PTPRD: variants seen among roughly 807,000 people sequenced by gnomAD.
The protein encoded by PTPRD is receptor-type tyrosine-protein phosphatase delta.
A neutral mutation model predicts 214.5 loss-of-function variants in PTPRD; 34 were observed. That is an observed-to-expected ratio of 0.16 (90% CI 0.12 to 0.21). The LOEUF is 0.21. Among genes scored for constraint, PTPRD ranks in the 10% least tolerant of loss-of-function variants. The probability of loss-of-function intolerance (pLI) is 1.00; values close to 1 mark genes in which losing one functional copy is unlikely to be tolerated. For synonymous variants in PTPRD, 1,128 were observed against 845.7 expected, an observed-to-expected ratio of 1.33 and a Z score of -5.79; for missense variants, 2,545 against 2,398.7, an observed-to-expected ratio of 1.06 and a Z score of -1.27.
chr9:8,866,898 A>G (rs1297830519), intron 11 of PTPRD, among the ~76,000 whole-genome samples: 1 of 152,208 alleles, frequency 6.6e-6, no homozygotes, highest in African/African-American at 2.4e-5. Context: ...GATAATAGAA[A>G]GCACTAACCT....
chr9:9,486,172 A>AAAAAAAAC (rs2095625965), intron 8 of PTPRD, among the ~76,000 whole-genome samples: 1 of 146,338 alleles, frequency 6.8e-6, no homozygotes, highest in Non-Finnish European at 1.5e-5. Flanking sequence ...AAAAAAAAAA[A>AAAAAAAAC]AAAAAAAAAA....
At chr9:10,312,976 T>C (rs1288128497) in intron 3 of PTPRD, among the ~76,000 whole-genome samples, 1 of 151,924 alleles carries the variant, frequency 6.6e-6, no homozygotes, top group Non-Finnish European at 1.5e-5. Context: ...CTGTCAATGG[T>C]CCTGACACTA....
chr9:8,841,545 C>G (rs771451024), intron 11 of PTPRD, among the ~76,000 whole-genome samples: 1 of 151,858 alleles, frequency 6.6e-6, no homozygotes, highest in Non-Finnish European at 1.5e-5. Context: ...AAATACAATC[C>G]CCTACCCCAA....
chr9:9,454,278 A>ACTCCCGGTT (rs1399724771), intron 8 of PTPRD, among the ~76,000 whole-genome samples: 1 of 151,616 alleles, frequency 6.6e-6, no homozygotes, highest in Non-Finnish European at 1.5e-5. Context: ...TTGAGGAAAT[A>ACTCCCGGTT]CTCCCGGTTT....
At chr9:9,265,608 G>C (rs1370924640) in intron 9 of PTPRD, among the ~76,000 whole-genome samples, 3 of 151,416 alleles carry the variant, frequency 2.0e-5, no homozygotes, top group South Asian at 2.1e-4. Flanking sequence ...TGAAAATGTA[G>C]AATTTTTGAA....
chr9:10,490,623 C>T (rs1244342961), intron 2 of PTPRD, among the ~76,000 whole-genome samples: 1 of 152,086 alleles, frequency 6.6e-6, no homozygotes, highest in Non-Finnish European at 1.5e-5. Context: ...AATCTGGTCT[C>T]AATTTGCTTT....
rs34342718 is a variant in PTPRD, at chr9:8,940,280, C to CTTTTT, written c.-104+78412_-104+78416dup. On this transcript the variant is annotated intron_variant, in intron 11 of 45. Coordinates refer to ENST00000381196, the MANE Select transcript of PTPRD (RefSeq NM_002839.4). ...TCACACATCTCTCTCTCTCTCTCTC[C>CTTTTT]TTTTTTTTTTTTTTTTTTTTGAGAT... 5.5e-3 allele frequency among the ~76,000 whole-genome samples: 490 copies of CTTTTT among 88,994 alleles called. 37 individuals carry two copies. The highest frequency in any genetic ancestry group is 7.1e-3 in the Admixed American group (45 of 6,318). 58.4% of individuals were successfully genotyped at this position (88,994 alleles called of 152,430 possible). A position where few individuals can be genotyped will look rare whatever the true frequency, so the allele number is the denominator to read the frequency against.
chr9:8,774,381 G>T (rs1036331), intron 11 of PTPRD, among the ~76,000 whole-genome samples: 103,740 of 151,894 alleles, frequency 0.68, 35,467 homozygotes, highest in Middle Eastern at 0.74. Context: ...TTCAGAAAGG[G>T]AGAAGATTAG....
At chr9:10,101,602 A>G (rs1045674816) in intron 3 of PTPRD, among the ~76,000 whole-genome samples, 1 of 151,664 alleles carries the variant, frequency 6.6e-6, no homozygotes, top group Non-Finnish European at 1.5e-5. Context: ...TCTTACCTCC[A>G]TTTCAGGGCA....
intron 3 of PTPRD, among the ~76,000 whole-genome samples, chr9:10,178,066 C>A (rs1240773742): frequency 6.6e-6 from 1 of 151,818 alleles, no homozygotes; most frequent in Non-Finnish European, 1.5e-5. Flanking sequence ...CCTTGTACTT[C>A]TCTTATTTAC....
intron 12 of PTPRD, among the ~76,000 whole-genome samples, chr9:8,726,340 G>T (rs966060295): frequency 1.3e-5 from 2 of 151,486 alleles, no homozygotes; most frequent in Non-Finnish European, 2.9e-5. Context: ...TATAATCCCA[G>T]CACTTTGGGA....
rs566654954 is a variant in PTPRD at position 9,834,935 on chromosome 9, G to GT, written c.-367-68085dup. Among the ~76,000 whole-genome samples, 530 of 146,202 alleles carry GT rather than the reference G, an allele frequency of 3.6e-3. 1 individual carries two copies. Among genetic ancestry groups the GT allele is most frequent in the African/African-American group, 0.011 (422 of 39,964 alleles). On this transcript the variant is annotated intron_variant, in intron 5 of 45. Transcript: ENST00000381196. The stretch of plus-strand genomic sequence containing the variant: ...AAATATTAACCTAACAGGTACTTTT[G>GT]TTTTTTTTTTGTTCCATCCCAGATA...
intron 2 of PTPRD, among the ~76,000 whole-genome samples, chr9:10,559,527 T>TA (rs1353419385): frequency 6.6e-6 from 1 of 151,986 alleles, no homozygotes; most frequent in East Asian, 1.9e-4. Context: ...GAATCTAAAA[T>TA]AAAAATTGAA....
At chr9:10,036,288 T>G (rs980852501) in intron 3 of PTPRD, among the ~76,000 whole-genome samples, 1 of 152,134 alleles carries the variant, frequency 6.6e-6, no homozygotes, top group Non-Finnish European at 1.5e-5. Context: ...GGTAGATTGT[T>G]GACAGGTAAA....
intron 6 of PTPRD, among the ~76,000 whole-genome samples, chr9:9,760,020 A>T (rs1376068471): frequency 2.0e-5 from 3 of 152,160 alleles, no homozygotes; most frequent in Non-Finnish European, 4.4e-5. Flanking sequence ...TGCCTGCTTA[A>T]CTAGATTGCC....
chr9:10,125,630 G>C, intron 3 of PTPRD, among the ~76,000 whole-genome samples: 1 of 147,402 alleles, frequency 6.8e-6, no homozygotes, highest in South Asian at 2.1e-4. Context: ...AATTGTGTGT[G>C]TGTGTGTGTG....
intron 9 of PTPRD, among the ~76,000 whole-genome samples, chr9:9,196,935 G>C (rs1380808144): frequency 6.6e-6 from 1 of 152,078 alleles, no homozygotes; most frequent in East Asian, 1.9e-4. Flanking sequence ...ATCAATATCA[G>C]ACAAGGTCAA....
At chr9:9,017,582 G>C (rs539771240) in intron 11 of PTPRD, among the ~76,000 whole-genome samples, 335 of 152,192 alleles carry the variant, frequency 2.2e-3, no homozygotes, top group African/African-American at 5.7e-3. Flanking sequence ...TTAGAATCAA[G>C]TGATTTCATA....
chr9:8,960,513 G>C (rs1456273049), intron 11 of PTPRD, among the ~76,000 whole-genome samples: 2 of 152,024 alleles, frequency 1.3e-5, no homozygotes, highest in South Asian at 2.1e-4. Flanking sequence ...TGACATCCAA[G>C]GTTCAAAGTG....
Sources: allele counts gnomAD v4.1 joint callset (sites outside exome capture counted in the v4.1 genomes callset), GRCh38; gene constraint gnomAD v4.1.1; transcripts MANE v1.5; gene names NCBI Gene and HGNC (gene_info 2026-07-23, HGNC 2026-07-21).